SPATS2L: variants seen among roughly 807,000 people sequenced by gnomAD.
SPATS2L encodes SPATS2-like protein.
A neutral mutation model predicts 59.6 loss-of-function variants in SPATS2L; 30 were observed. The ratio of observed to expected loss-of-function variants is 0.50; its 90% confidence interval spans 0.38 to 0.68. The LOEUF (loss-of-function observed/expected upper bound fraction) is 0.68, where lower values mean the gene tolerates loss of function less well. SPATS2L is among the 30% of genes least tolerant of loss of function. The pLI is 0.00. For synonymous variants in SPATS2L, 252 were observed against 263.5 expected (o/e 0.96, Z 0.42); for missense variants, 615 against 700.0 (o/e 0.88, Z 1.37).
At chr2:200,318,845 A>G (rs1296092452) in intron 1 of SPATS2L, among the ~76,000 whole-genome samples, 1 of 152,246 alleles carries the variant, frequency 6.6e-6, no homozygotes, top group Non-Finnish European at 1.5e-5. Flanking sequence ...CCCAGTTGCC[A>G]TTTGAACCAG....
At chr2:200,473,153 A>T in intron 12 of SPATS2L, 101 bp downstream of exon 12, 1 of 1,175,458 alleles carries the variant, frequency 8.5e-7, no homozygotes. Flanking sequence ...TCCTGGGGTC[A>T]CACTCAGGCT....
intron 8 of SPATS2L, among the ~76,000 whole-genome samples, chr2:200,457,540 G>T (rs576838069): frequency 1.3e-5 from 2 of 152,292 alleles, no homozygotes; most frequent in South Asian, 4.1e-4. Context: ...ACATACCTAT[G>T]TAATGTCAAT....
At chr2:200,328,573 G>T (rs1336314560) in intron 1 of SPATS2L, among the ~76,000 whole-genome samples, 6 of 152,128 alleles carry the variant, frequency 3.9e-5, no homozygotes, top group African/African-American at 7.2e-5. Flanking sequence ...GTGTCCTGAG[G>T]CCCCGTCCCC....
chr2:200,477,944 T>C lies in SPATS2L; in HGVS notation c.1590T>C (p.Val530=). The change falls in exon 13 of 13, where the codon GTT becomes GTC. Residue 530 remains valine (V), a synonymous_variant. Transcript: ENST00000409140. The stretch of plus-strand genomic sequence containing the variant: ...CCTTCCGGGGTAGTGTCGGTAGGGT[T>C]TCACAGTGCAATCTCTGCCCCACGA... ...ARPFRGSVGR[V]SQCNLCPTRI... The C allele has an allele frequency of 6.2e-7, 1 of 1,611,562 alleles. No homozygotes were observed.
intron 2 of SPATS2L, 143 bp downstream of exon 2, chr2:200,329,623 T>G (rs62179512): frequency 0.11 from 77,228 of 692,024 alleles, 4,854 homozygotes; most frequent in Non-Finnish European, 0.13. Context: ...ACCAGAGTTC[T>G]CTTTTAGAGT....
At chr2:200,438,312 C>T (rs2084442865) in intron 6 of SPATS2L, among the ~76,000 whole-genome samples, 1 of 121,546 alleles carries the variant, frequency 8.2e-6, no homozygotes, top group Admixed American at 7.7e-5. Flanking sequence ...TCTACAAGAA[C>T]CTGGCCTTCA....
intron 2 of SPATS2L, among the ~76,000 whole-genome samples, chr2:200,384,641 C>T (rs926511683): frequency 7.9e-5 from 12 of 152,108 alleles, no homozygotes; most frequent in South Asian, 2.1e-4. Context: ...CGTGAGCCAC[C>T]GCGCCCAGCT....
chr2:200,412,212 C>A (rs2082898855), intron 3 of SPATS2L, 99 bp from the exon 4 acceptor site: 1 of 675,924 alleles, frequency 1.5e-6, no homozygotes, highest in African/African-American at 1.9e-5. Context: ...CTTTTCAAGG[C>A]CTTTCTAATA....
intron 1 of SPATS2L, among the ~76,000 whole-genome samples, chr2:200,308,253 A>G (rs902746243): frequency 6.7e-6 from 1 of 149,580 alleles, no homozygotes; most frequent in African/African-American, 2.5e-5. Flanking sequence ...AAAAAAAAAG[A>G]CTTCAAATAA....
chr2:200,352,268 A>G (rs1000128248), intron 2 of SPATS2L, among the ~76,000 whole-genome samples: 1 of 148,934 alleles, frequency 6.7e-6, no homozygotes, highest in African/African-American at 2.5e-5. Context: ...AGCTCTATAT[A>G]AAATACAAAA....
intron 9 of SPATS2L, chr2:200,463,453 C>T (rs2086380562): frequency 6.6e-6 from 1 of 152,266 alleles, no homozygotes; most frequent in East Asian, 1.9e-4. Flanking sequence ...AGTGAACATT[C>T]CTGTAATTGC....
chr2:200,315,144 C>CT (rs1391563394), intron 1 of SPATS2L, among the ~76,000 whole-genome samples: 2 of 152,172 alleles, frequency 1.3e-5, no homozygotes, highest in Admixed American at 1.3e-4. Context: ...AGCCCACGAG[C>CT]TTTTTGAATG....
chr2:200,372,444 C>T (rs895860333), intron 2 of SPATS2L, among the ~76,000 whole-genome samples: 4 of 151,988 alleles, frequency 2.6e-5, no homozygotes, highest in African/African-American at 9.7e-5. Context: ...AAGAATGTGG[C>T]CCAGGAAAGG....
Position 200,473,059 on chromosome 2 carries a change from C to T in SPATS2L, c.1281+7C>T, listed in dbSNP as rs374833487. The T allele has an allele frequency of 1.2e-5, 20 of 1,608,370 alleles. No individual in the cohort carries two copies. Among genetic ancestry groups the T allele is most frequent in the Middle Eastern group, 3.3e-4 (2 of 5,996 alleles). ...CATGCCGGCCAACAAGCAGGTAAGC[C>T]GACACTGGTGCAGGGTGCCAGAGGA... On this transcript the variant is annotated splice_region_variant and intron_variant, in intron 12 of 12. Transcript: ENST00000409140.
intron 8 of SPATS2L, among the ~76,000 whole-genome samples, chr2:200,448,731 A>G (rs2085234664): frequency 6.6e-6 from 1 of 152,096 alleles, no homozygotes; most frequent in Non-Finnish European, 1.5e-5. Flanking sequence ...ATAGAAAGAG[A>G]ATTAAACTTT....
chr2:200,424,709 T>C (rs2083457952), intron 6 of SPATS2L, among the ~76,000 whole-genome samples: 1 of 152,148 alleles, frequency 6.6e-6, no homozygotes, highest in African/African-American at 2.4e-5. Flanking sequence ...ATTCCTCTCT[T>C]GTCTTTACCC....
intron 3 of SPATS2L, among the ~76,000 whole-genome samples, chr2:200,391,711 A>G (rs1363512461): frequency 6.6e-6 from 1 of 152,218 alleles, no homozygotes; most frequent in African/African-American, 2.4e-5. Flanking sequence ...TGATGAGGAC[A>G]CTGAGGCTTG....
At position 200,345,445 on chromosome 2, in the gene SPATS2L, TGTG is replaced by T. The variant is rs1480834911; in HGVS notation, c.-23+15966_-23+15968del. Among the ~76,000 whole-genome samples the T allele has an allele frequency of 1.1e-3, 171 of 152,356 alleles. 1 individual carries two copies. The highest frequency in any genetic ancestry group is 2.0e-3 in the Admixed American group (31 of 15,300). On this transcript the variant is annotated intron_variant, in intron 2 of 12. Transcript: ENST00000409140. ...TGTAAACATATTTCAGCTGAACATG[TGTG>T]CTGTGATTTTGAAAACACTGACTAC... is the stretch of plus-strand genomic sequence containing the variant.
At chr2:200,370,228 T>C (rs1489286442) in intron 2 of SPATS2L, among the ~76,000 whole-genome samples, 1 of 152,122 alleles carries the variant, frequency 6.6e-6, no homozygotes, top group Non-Finnish European at 1.5e-5. Context: ...CAGAAAACAC[T>C]CAGAAAAGCA....
Sources: allele counts gnomAD v4.1 joint callset (sites outside exome capture counted in the v4.1 genomes callset), GRCh38; gene constraint gnomAD v4.1.1; transcripts MANE v1.5; gene names NCBI Gene and HGNC (gene_info 2026-07-23, HGNC 2026-07-21).